Variants in NDUFS1 observed in about 807,000 individuals in gnomAD.
NDUFS1 encodes the protein NADH:ubiquinone oxidoreductase core subunit S1, also known as NADH-ubiquinone oxidoreductase 75 kDa subunit, mitochondrial.
A neutral mutation model predicts 84.4 loss-of-function variants in NDUFS1; 61 were observed. That is an observed-to-expected ratio of 0.72 (90% CI 0.59 to 0.89). The LOEUF (loss-of-function observed/expected upper bound fraction) is 0.89. NDUFS1 is among the 40% of genes least tolerant of loss of function. NDUFS1 has a pLI of 0.00. For missense variants in NDUFS1, 891 were observed against 890.0 expected, an observed-to-expected ratio of 1.00 and a Z score of -0.01; for synonymous variants, 275 against 290.0, an observed-to-expected ratio of 0.95 and a Z score of 0.53.
At chr2:206,127,009 CAA>C (rs1215187384) in intron 16 of NDUFS1, among the ~76,000 whole-genome samples, 165 bp from the exon 17 acceptor site, 1 of 152,160 alleles carries the variant, frequency 6.6e-6, no homozygotes, top group Admixed American at 6.6e-5. Flanking sequence ...GCAGGGAACA[CAA>C]ATATCAAAAA....
intron 8 of NDUFS1, 36 bp from the exon 9 acceptor site, chr2:206,145,062 TG>T (rs1692108483): frequency 1.9e-6 from 3 of 1,556,190 alleles, no homozygotes; most frequent in Non-Finnish European, 1.7e-6. Flanking sequence ...ATGGTGCTTT[TG>T]GGAATAAAGA....
chr2:206,141,906 A>T, intron 12 of NDUFS1, 35 bp downstream of exon 12: 1 of 1,571,792 alleles, frequency 6.4e-7, no homozygotes, highest in Non-Finnish European at 8.7e-7. Context: ...AATTACATAA[A>T]TATTTTTAAA....
At chr2:206,132,130 A>G (rs1321766513) in intron 14 of NDUFS1, among the ~76,000 whole-genome samples, 2 of 152,050 alleles carry the variant, frequency 1.3e-5, no homozygotes, top group African/African-American at 4.8e-5. Flanking sequence ...GGTCTCAAAA[A>G]AATAAAATAA....
At chr2:206,130,365 T>TA in intron 14 of NDUFS1, 123 bp from the exon 15 acceptor site, 1 of 1,290,574 alleles carries the variant, frequency 7.7e-7, no homozygotes, top group Middle Eastern at 2.6e-4. Context: ...TATTTTATTT[T>TA]TTTCTCGGCG....
At chr2:206,148,596 C>T (rs1692249681) in intron 5 of NDUFS1, among the ~76,000 whole-genome samples, 1 of 152,018 alleles carries the variant, frequency 6.6e-6, no homozygotes, top group Non-Finnish European at 1.5e-5. Context: ...CAAGCCCAGC[C>T]TGGACAACAT....
In NDUFS1 at chr2:206,149,857, G is replaced by T. The variant is rs1692299553; in HGVS notation, c.222C>A (p.Asn74Lys). Residue 74 changes from asparagine (N) to lysine (K), a missense_variant, in exon 4 of 19, where the codon AAC (asparagine) becomes AAA (lysine). Asn to Lys is a moderately conservative substitution (Grantham distance 94, BLOSUM62 0). Transcript: ENST00000233190. ...CYHERLSVAG[N>K]CRMCLVEIEK... ...CAATTTCAACAAGGCACATCCTGCA[G>T]TTTCCAGCAACAGACAACCTTTCAT... 6.3e-6 allele frequency: 10 copies of T among 1,589,884 alleles called. No individual in the cohort carries two copies. Among genetic ancestry groups the T allele is most frequent in the Non-Finnish European group, 8.6e-6 (10 of 1,167,606 alleles).
chr2:206,150,876 TTGTC>T (rs1416987621), intron 3 of NDUFS1, among the ~76,000 whole-genome samples: 3 of 152,148 alleles, frequency 2.0e-5, no homozygotes, highest in African/African-American at 4.8e-5. Flanking sequence ...AAAGAACTAT[TTGTC>T]TGTGGCTCTA....
intron 10 of NDUFS1, 121 bp from the exon 11 acceptor site, chr2:206,142,952 T>G: frequency 7.2e-7 from 1 of 1,388,278 alleles, no homozygotes; most frequent in Non-Finnish European, 9.9e-7. Flanking sequence ...AGACTTCTGA[T>G]TAAAAGTTTT....
chr2:206,159,317 C>T, intron 1 of NDUFS1, 24 bp downstream of exon 1: 2 of 652,544 alleles, frequency 3.1e-6, no homozygotes, highest in Non-Finnish European at 5.4e-6. Flanking sequence ...GCACCTCACC[C>T]TTCCCATCCA....
At chr2:206,130,495 C>T (rs1474186907) in intron 14 of NDUFS1, among the ~76,000 whole-genome samples, 1 of 152,140 alleles carries the variant, frequency 6.6e-6, no homozygotes, top group South Asian at 2.1e-4. Context: ...GCTGGGACTA[C>T]AGGCACATGC....
intron 14 of NDUFS1, among the ~76,000 whole-genome samples, chr2:206,131,239 T>C (rs1035386275): frequency 2.0e-5 from 3 of 152,174 alleles, no homozygotes; most frequent in Admixed American, 6.6e-5. Context: ...CCTAAGAAGA[T>C]AATTTCAAGT....
rs373070878 is a variant in NDUFS1 at position 206,138,617 on chromosome 2, G to A, written c.1263-3C>T. ...CTTTTAAGTCATTATGCAGCCAGCT[G>A]AAATAAAAACAACATTTTAAGAAGT... is the stretch of plus-strand genomic sequence containing the variant. On this transcript the variant is annotated splice_polypyrimidine_tract_variant and splice_region_variant and intron_variant, in intron 12 of 18. Transcript: ENST00000233190. The A allele has an allele frequency of 6.2e-7, 1 of 1,613,632 alleles. No individual in the cohort carries two copies. Among genetic ancestry groups the A allele is most frequent in the African/African-American group, 1.3e-5 (1 of 75,024 alleles).
Position 206,116,167 on chromosome 2 carries a change from T to A in NDUFS1, c.*8018A>T. 2.6e-6 allele frequency: 4 copies of A among 1,543,308 alleles called. No individual in the cohort carries two copies. The highest frequency in any genetic ancestry group is 1.4e-5 in the African/African-American group (1 of 73,732). ...ATGCTTCTTCACTCATAAGTTCATC[T>A]AGTTATGAAGGGTTACTCAGTGTCA... On this transcript the variant is annotated 3_prime_UTR_variant, in exon 19 of 19. Transcript: ENST00000233190.
intron 10 of NDUFS1, 73 bp downstream of exon 10, chr2:206,143,945 T>TC (rs869171116): frequency 1.4e-5 from 17 of 1,176,818 alleles, no homozygotes; most frequent in Non-Finnish European, 2.1e-5. Context: ...GAAATATACA[T>TC]CCCCCCCTTC....
intron 14 of NDUFS1, among the ~76,000 whole-genome samples, chr2:206,132,453 C>A (rs1353649735): frequency 6.6e-6 from 1 of 151,962 alleles, no homozygotes; most frequent in African/African-American, 2.4e-5. Flanking sequence ...ATGTGGCATG[C>A]GCCTGTAGCT....
chr2:206,116,421 A>G lies in NDUFS1; in HGVS notation c.*7764T>C. 1 of 807,818 alleles carries G rather than the reference A, an allele frequency of 1.2e-6. No individual in the cohort carries two copies. Among genetic ancestry groups the G allele is most frequent in the Non-Finnish European group, 2.0e-6 (1 of 488,436 alleles). 50.0% of individuals were successfully genotyped at this position (807,818 alleles called of 1,614,324 possible). On this transcript the variant is annotated 3_prime_UTR_variant, in exon 19 of 19. Coordinates refer to ENST00000233190, the MANE Select transcript of NDUFS1 (RefSeq NM_005006.7). ...CATCCCAAGCTGCCAGGGCCTCGAT[A>G]GGCAGGGCGCGGCAGGTGCCAGGAC...
At chr2:206,140,922 G>GTATATATATATATA (rs142969226) in intron 12 of NDUFS1, among the ~76,000 whole-genome samples, 4 of 127,970 alleles carry the variant, frequency 3.1e-5, no homozygotes, top group South Asian at 2.3e-4. Context: ...TATGTAGTGT[G>GTATATATATATATA]TATATATATA....
At chr2:206,130,289 G>T (rs754145126) in intron 14 of NDUFS1, 47 bp from the exon 15 acceptor site, 28 of 1,597,026 alleles carry the variant, frequency 1.8e-5, no homozygotes, top group Non-Finnish European at 2.2e-5. Context: ...TATTTTCAAT[G>T]TAAAAAATTA....
intron 15 of NDUFS1, among the ~76,000 whole-genome samples, chr2:206,128,983 A>G (rs796139720): frequency 3.9e-5 from 6 of 152,284 alleles, no homozygotes; most frequent in African/African-American, 1.4e-4. Context: ...AGACAGGAAT[A>G]TGACAGTAAT....
Sources: allele counts gnomAD v4.1 joint callset (sites outside exome capture counted in the v4.1 genomes callset), GRCh38; gene constraint gnomAD v4.1.1; transcripts MANE v1.5; gene names NCBI Gene and HGNC (gene_info 2026-07-23, HGNC 2026-07-21).